ARHGAP24: variants seen among roughly 807,000 people sequenced by gnomAD.
ARHGAP24 encodes Rho GTPase activating protein 24.
Under a neutral mutation model 76.4 loss-of-function variants are expected in ARHGAP24, and 50 were observed. The observed-to-expected ratio is 0.65, with a 90% CI of 0.52 to 0.83. ARHGAP24 has a LOEUF of 0.83. ARHGAP24 is among the 40% of genes least tolerant of loss of function. The pLI is 0.00. For synonymous variants in ARHGAP24, 345 were observed against 323.3 expected (o/e 1.07, Z -0.72); for missense variants, 930 against 914.2 (o/e 1.02, Z -0.22).
At chr4:85,537,243 G>A (rs913214536) in intron 1 of ARHGAP24, among the ~76,000 whole-genome samples, 13 of 152,074 alleles carry the variant, frequency 8.5e-5, no homozygotes, top group African/African-American at 3.1e-4. Context: ...ACCTTGAGAG[G>A]TTTTCCATCT....
intron 1 of ARHGAP24, among the ~76,000 whole-genome samples, chr4:85,564,364 A>T (rs775065055): frequency 4.3e-5 from 6 of 140,638 alleles, no homozygotes; most frequent in South Asian, 2.4e-4. Flanking sequence ...GGACACAGGA[A>T]GGGGAACATC....
At chr4:85,948,986 C>T (rs1026198712) in intron 5 of ARHGAP24, among the ~76,000 whole-genome samples, 3 of 152,090 alleles carry the variant, frequency 2.0e-5, no homozygotes, top group Non-Finnish European at 2.9e-5. Flanking sequence ...AACATATGCA[C>T]AAATAAAAGA....
chr4:85,639,463 C>T (rs558545925), intron 2 of ARHGAP24, among the ~76,000 whole-genome samples: 1 of 152,172 alleles, frequency 6.6e-6, no homozygotes, highest in Admixed American at 6.5e-5. Flanking sequence ...ATTTGGATCT[C>T]TTTGTACCCT....
chr4:85,612,083 TACACACAC>T (rs34030905), intron 2 of ARHGAP24, among the ~76,000 whole-genome samples: 4,686 of 143,810 alleles, frequency 0.033, 91 homozygotes, highest in South Asian at 0.055. Context: ...TTCATTACAT[TACACACAC>T]ACACACACAC....
intron 1 of ARHGAP24, among the ~76,000 whole-genome samples, chr4:85,500,882 AC>A (rs1723781269): frequency 2.5e-4 from 8 of 32,330 alleles, no homozygotes; most frequent in Admixed American, 1.6e-3. Context: ...CCACCCCCCC[AC>A]CAACAGGCCC....
intron 1 of ARHGAP24, among the ~76,000 whole-genome samples, chr4:85,482,787 T>G (rs1722866324): frequency 6.6e-6 from 1 of 152,196 alleles, no homozygotes; most frequent in African/African-American, 2.4e-5. Context: ...AGTTCCTACA[T>G]GAGCCCTATC....
chr4:85,659,326 T>G (rs985279364), intron 2 of ARHGAP24, among the ~76,000 whole-genome samples: 3 of 152,202 alleles, frequency 2.0e-5, no homozygotes, highest in South Asian at 4.1e-4. Context: ...TCTGTCTTTT[T>G]GAAGTGCCTA....
intron 1 of ARHGAP24, among the ~76,000 whole-genome samples, chr4:85,530,860 ATAAT>A (rs1450017270): frequency 6.6e-6 from 1 of 152,080 alleles, no homozygotes; most frequent in African/African-American, 2.4e-5. Flanking sequence ...GTTGAAAGAA[ATAAT>A]TAATGAGTAA....
At chr4:85,776,547 GC>G (rs1727315520) in intron 3 of ARHGAP24, among the ~76,000 whole-genome samples, 1 of 152,184 alleles carries the variant, frequency 6.6e-6, no homozygotes, top group Admixed American at 6.5e-5. Context: ...GTAGAGATGA[GC>G]CATTCCATGG....
chr4:85,981,717 A>C (rs1739680301), intron 8 of ARHGAP24, among the ~76,000 whole-genome samples: 2 of 151,862 alleles, frequency 1.3e-5, no homozygotes, highest in African/African-American at 4.8e-5. Context: ...CCTCTCTCTT[A>C]GCAGTATCCC....
intron 1 of ARHGAP24, among the ~76,000 whole-genome samples, chr4:85,506,864 T>C (rs1724074339): frequency 6.8e-6 from 1 of 146,928 alleles, no homozygotes. Flanking sequence ...GCTGTTCCTA[T>C]TCGGCTATCT....
chr4:85,994,341 G>A (rs1277539831), intron 8 of ARHGAP24, among the ~76,000 whole-genome samples: 1 of 152,144 alleles, frequency 6.6e-6, no homozygotes, highest in Non-Finnish European at 1.5e-5. Flanking sequence ...CAGTATGTAT[G>A]TATAGATTTA....
At chr4:85,929,855 C>A (rs1166147903) in intron 4 of ARHGAP24, among the ~76,000 whole-genome samples, 3 of 152,122 alleles carry the variant, frequency 2.0e-5, no homozygotes, top group Non-Finnish European at 4.4e-5. Flanking sequence ...GGAATAAATG[C>A]AGGTATGAAG....
chr4:85,741,337 C>T (rs1725818803), intron 3 of ARHGAP24, among the ~76,000 whole-genome samples: 1 of 152,120 alleles, frequency 6.6e-6, no homozygotes. Flanking sequence ...TGCTATCTTA[C>T]TAAATTACCC....
intron 3 of ARHGAP24, among the ~76,000 whole-genome samples, chr4:85,831,157 A>G (rs1578271555): frequency 1.3e-5 from 2 of 152,184 alleles, no homozygotes; most frequent in Non-Finnish European, 2.9e-5. Flanking sequence ...GTTCCCTTCA[A>G]TAGCCACCCA....
intron 3 of ARHGAP24, among the ~76,000 whole-genome samples, chr4:85,744,654 T>A (rs1725959506): frequency 6.6e-6 from 1 of 152,024 alleles, no homozygotes; most frequent in African/African-American, 2.4e-5. Flanking sequence ...CCTCCACGCG[T>A]TAGAGGCAAA....
At chr4:85,797,376 T>C (rs1305157658) in intron 3 of ARHGAP24, among the ~76,000 whole-genome samples, 1 of 152,128 alleles carries the variant, frequency 6.6e-6, no homozygotes, top group Non-Finnish European at 1.5e-5. Context: ...GATTTCACCG[T>C]GTTAGCCAGG....
At chr4:85,579,297 T>G (rs749339354) in intron 2 of ARHGAP24, among the ~76,000 whole-genome samples, 2 of 152,126 alleles carry the variant, frequency 1.3e-5, no homozygotes, top group African/African-American at 2.4e-5. Flanking sequence ...TCAGACTATC[T>G]CATGTGCACA....
chr4:85,508,242 C>T (rs966595951), intron 1 of ARHGAP24, among the ~76,000 whole-genome samples: 4 of 151,924 alleles, frequency 2.6e-5, no homozygotes, highest in Non-Finnish European at 4.4e-5. Flanking sequence ...TTCTGAAATA[C>T]TGATTCAAAA....
Sources: gnomAD v4.1 joint callset for allele counts (sites outside exome capture counted in the v4.1 genomes callset) on GRCh38, gnomAD v4.1.1 for gene constraint, MANE v1.5 for transcripts, NCBI Gene and HGNC (gene_info 2026-07-23, HGNC 2026-07-21) for gene names.